The following RNLS variants were observed in gnomAD, a reference collection of about 807,000 sequenced individuals.
RNLS encodes renalase, FAD dependent amine oxidase.
In RNLS, 39 loss-of-function variants were observed where a neutral mutation model predicts 39.8. That is an observed-to-expected ratio of 0.98 (90% CI 0.76 to 1.28). The LOEUF (loss-of-function observed/expected upper bound fraction) is 1.28. Among genes scored for constraint, RNLS ranks in the 50% most tolerant of loss-of-function variants. The probability of loss-of-function intolerance (pLI) is 0.00; values close to 1 mark genes in which losing one functional copy is unlikely to be tolerated. For missense variants in RNLS, 410 were observed against 413.3 expected (o/e 0.99, Z 0.07); for synonymous variants, 147 against 150.7 (o/e 0.98, Z 0.18).
At chr10:88,233,626 C>T in the RNLS span, among the ~76,000 whole-genome samples, 1 of 152,116 alleles carries the variant, frequency 6.6e-6, no homozygotes, top group Non-Finnish European at 1.5e-5. Context: ...GAAGATTATG[C>T]GTTATTTATC....
chr10:88,506,727 A>G (rs1341416763), intron 4 of RNLS, among the ~76,000 whole-genome samples: 1 of 152,128 alleles, frequency 6.6e-6, no homozygotes, highest in Non-Finnish European at 1.5e-5. Context: ...AAGATGGATA[A>G]AATTTCATGC....
At chr10:88,254,131 ATAG>A in the RNLS span, among the ~76,000 whole-genome samples, 25 of 152,100 alleles carry the variant, frequency 1.6e-4, no homozygotes, top group Non-Finnish European at 3.4e-4. Flanking sequence ...TCTCACTCTC[ATAG>A]TAGTTTGAAG....
chr10:88,471,460 G>T (rs565466197), intron 4 of RNLS, among the ~76,000 whole-genome samples: 24 of 152,208 alleles, frequency 1.6e-4, no homozygotes, highest in Middle Eastern at 3.4e-3. Context: ...GGTGCTGCTT[G>T]CTGGCTACCT....
chr10:88,529,352 G>T (rs1847287210), intron 4 of RNLS, among the ~76,000 whole-genome samples: 1 of 152,150 alleles, frequency 6.6e-6, no homozygotes, highest in Non-Finnish European at 1.5e-5. Context: ...CTGACTGGGT[G>T]GGCAGGTCTG....
At chr10:88,394,461 C>G (rs1157010090) in intron 4 of RNLS, among the ~76,000 whole-genome samples, 2 of 152,110 alleles carry the variant, frequency 1.3e-5, no homozygotes, top group East Asian at 3.8e-4. Flanking sequence ...CATCACTGGC[C>G]ATCAGAAAAA....
chr10:88,561,975 G>A (rs1377974301), intron 4 of RNLS, among the ~76,000 whole-genome samples: 5 of 152,136 alleles, frequency 3.3e-5, no homozygotes, highest in East Asian at 3.8e-4. Context: ...ATTAATGCAA[G>A]AGCAATCAAC....
the RNLS span, among the ~76,000 whole-genome samples, chr10:88,181,294 A>G: frequency 6.6e-6 from 1 of 152,144 alleles, no homozygotes. Context: ...CAAAGATGTC[A>G]GTCCTACTAC....
chr10:88,467,507 TAGGAGGTCTGTTTTCCAAA>T (rs1277018470), intron 4 of RNLS, among the ~76,000 whole-genome samples: 1 of 152,058 alleles, frequency 6.6e-6, no homozygotes, highest in African/African-American at 2.4e-5. Flanking sequence ...TTACTCTTCC[TAGGAGGTCTGTTTTCCAAA>T]AGCACACCTG....
intron 4 of RNLS, among the ~76,000 whole-genome samples, chr10:88,491,316 A>T (rs531711473): frequency 4.1e-4 from 63 of 152,276 alleles, no homozygotes; most frequent in African/African-American, 1.5e-3. Flanking sequence ...TTTCGGGATA[A>T]GAGTAGCCTA....
At chr10:88,234,510 G>A in the RNLS span, among the ~76,000 whole-genome samples, 6 of 152,166 alleles carry the variant, frequency 3.9e-5, no homozygotes, top group African/African-American at 1.4e-4. Flanking sequence ...CTTAGTGTAT[G>A]TTTGTGGGTG....
chr10:88,532,858 A>AC (rs1847514128), intron 4 of RNLS, among the ~76,000 whole-genome samples: 1 of 152,076 alleles, frequency 6.6e-6, no homozygotes, highest in African/African-American at 2.4e-5. Context: ...GATTTGGAAG[A>AC]GAAAAACCAA....
At chr10:88,264,872 G>C in the RNLS span, among the ~76,000 whole-genome samples, 1 of 152,142 alleles carries the variant, frequency 6.6e-6, no homozygotes, top group African/African-American at 2.4e-5. Flanking sequence ...TGTTTTTGTT[G>C]CGATTGCTTT....
intron 4 of RNLS, among the ~76,000 whole-genome samples, chr10:88,531,991 C>T (rs1847454490): frequency 6.6e-6 from 1 of 152,032 alleles, no homozygotes. Context: ...TTGCTTCCTC[C>T]AACCCCCATC....
At position 88,408,371 on chromosome 10, in the gene RNLS, A is replaced by T. The variant is rs569749349; in HGVS notation, c.527-45646T>A. On this transcript the variant is annotated intron_variant, in intron 4 of 6. Coordinates refer to ENST00000331772, the MANE Select transcript of RNLS (RefSeq NM_001031709.3). ...TGTTCCTCCAAAATTCATATGTTAGAACCTAATACCAAATATGATAGTAGT... is the reference window on the plus strand; with the variant it reads ...TGTTCCTCCAAAATTCATATGTTAGTACCTAATACCAAATATGATAGTAGT... Among the ~76,000 whole-genome samples the T allele has an allele frequency of 3.9e-5, 6 of 152,206 alleles. No individual in the cohort carries two copies. The East Asian group carries it at 1.2e-3, about 29-fold the overall frequency.
chr10:88,503,753 A>G (rs1845629671), intron 4 of RNLS, among the ~76,000 whole-genome samples: 1 of 152,204 alleles, frequency 6.6e-6, no homozygotes, highest in Admixed American at 6.6e-5. Context: ...TCTCTTTTCA[A>G]CAGGTAGAGA....
chr10:88,214,379 C>T, the RNLS span, among the ~76,000 whole-genome samples: 1 of 151,686 alleles, frequency 6.6e-6, no homozygotes, highest in Admixed American at 6.6e-5. Context: ...TTTCCTTTAC[C>T]AATATAAGAC....
At chr10:88,449,700 T>C (rs1472203369) in intron 4 of RNLS, among the ~76,000 whole-genome samples, 1 of 152,180 alleles carries the variant, frequency 6.6e-6, no homozygotes. Context: ...AAATTTTTAA[T>C]ACTAGAGTTA....
chr10:88,389,389 C>A (rs1317926147), intron 4 of RNLS, among the ~76,000 whole-genome samples: 1 of 152,056 alleles, frequency 6.6e-6, no homozygotes, highest in African/African-American at 2.4e-5. Flanking sequence ...ATAAAGCCTG[C>A]TATCTATTTT....
At chr10:88,437,331 A>AGC in intron 4 of RNLS, among the ~76,000 whole-genome samples, 1 of 152,218 alleles carries the variant, frequency 6.6e-6, no homozygotes, top group Non-Finnish European at 1.5e-5. Flanking sequence ...GATTGCATTT[A>AGC]ATGCCCCAAA....
Sources: allele counts gnomAD v4.1 joint callset (sites outside exome capture counted in the v4.1 genomes callset), GRCh38; gene constraint gnomAD v4.1.1; transcripts MANE v1.5; gene names NCBI Gene and HGNC (gene_info 2026-07-23, HGNC 2026-07-21).